The following RNPC3 variants were observed in gnomAD, a reference collection of about 807,000 sequenced individuals.
RNPC3 encodes RNA binding region (RNP1, RRM) containing 3, also known as RNA-binding region-containing protein 3.
A neutral mutation model predicts 67.5 loss-of-function variants in RNPC3; 48 were observed. That is an observed-to-expected ratio of 0.71 (90% CI 0.56 to 0.90). RNPC3 has a LOEUF of 0.90. Among genes scored for constraint, RNPC3 ranks in the 40% least tolerant of loss-of-function variants. The pLI, the probability that RNPC3 is intolerant of heterozygous loss-of-function variation, is 0.00. For missense variants in RNPC3, 637 were observed against 626.1 expected (o/e 1.02, Z -0.19); for synonymous variants, 239 against 210.3 (o/e 1.14, Z -1.18).
In RNPC3 at chr1:103,533,754, C is replaced by G; in HGVS notation, c.256C>G (p.His86Asp). 6.6e-7 allele frequency: 1 copy of G among 1,526,324 alleles called. No individual in the cohort carries two copies. The highest frequency in any genetic ancestry group is 8.8e-7 in the Non-Finnish European group (1 of 1,138,768). 94.5% of individuals were successfully genotyped at this position (1,526,324 alleles called of 1,614,324 possible). Reference protein sequence around the residue: ...KAAIKALTRLHQLKLLGHTLV... With the variant: ...KAAIKALTRLDQLKLLGHTLV... ...TTAACTGAAGGCATTGACAAGACTC[C>G]ATCAACTGAAACTTTTAGGTCATAC... Residue 86 changes from histidine to aspartate, a missense_variant, in exon 3 of 15, where the codon CAT becomes GAT. By Grantham distance (81) the His-to-Asp change is moderately conservative. Around this residue, in one of 3 missense-constraint regions of RNPC3, gnomAD observed 536 missense variants for 500.3 expected, o/e 1.07. Coordinates refer to ENST00000423855, the MANE Select transcript of RNPC3 (RefSeq NM_017619.4).
chr1:103,530,692 C>T (rs1276861128), intron 2 of RNPC3, among the ~76,000 whole-genome samples: 1 of 152,068 alleles, frequency 6.6e-6, no homozygotes, highest in Admixed American at 6.5e-5. Flanking sequence ...GCTGTTGTGA[C>T]TAGACTGAAG....
At position 103,543,282 on chromosome 1, in the gene RNPC3, T is replaced by C; in HGVS notation, c.894-14T>C. ...TTGCAATTACAAACTAATGCTATGA[T>C]TGTTTTTAAATAGCAGTTTACATCC... On this transcript the variant is annotated splice_polypyrimidine_tract_variant and intron_variant, in intron 8 of 14. Coordinates refer to ENST00000423855, the MANE Select transcript of RNPC3 (RefSeq NM_017619.4). 7.2e-7 allele frequency: 1 copy of C among 1,397,548 alleles called. No homozygotes were observed. Among genetic ancestry groups the C allele is most frequent in the Non-Finnish European group, 9.3e-7 (1 of 1,080,146 alleles). The allele number at this position is 1,397,548 out of a possible 1,614,324, so 86.6% of individuals were successfully genotyped here.
intron 2 of RNPC3, among the ~76,000 whole-genome samples, chr1:103,533,342 ACT>A (rs1439599738): frequency 2.0e-5 from 3 of 151,970 alleles, no homozygotes; most frequent in Admixed American, 6.6e-5. Context: ...AGTACAAAAT[ACT>A]CTCTGAGATA....
chr1:103,547,164 G>A (rs1651266408), intron 12 of RNPC3, 129 bp downstream of exon 12: 1 of 538,396 alleles, frequency 1.9e-6, no homozygotes, highest in South Asian at 3.2e-5. Context: ...CTATTCTGTT[G>A]CACAATTAAT....
chr1:103,551,769 A>G lies in RNPC3; in HGVS notation c.1543A>G (p.Arg515Gly). Residue 515 changes from arginine to glycine, a missense_variant, in exon 14 of 15, where the codon AGA becomes GGA. Around this residue, in one of 3 missense-constraint regions of RNPC3, gnomAD observed 96 missense variants for 105.8 expected, o/e 0.91. Transcript: ENST00000423855. ...RPKQDPKEGK[R>G]KC Reference sequence around the variant, plus strand: ...AAAACAAGATCCTAAGGAAGGAAAAAGAAAGTGTTAAAAATTAATAAAGGT... The same window carrying G: ...AAAACAAGATCCTAAGGAAGGAAAAGGAAAGTGTTAAAAATTAATAAAGGT... The G allele has an allele frequency of 6.6e-7, 1 of 1,512,432 alleles. No individual in the cohort carries two copies. 93.7% of individuals were successfully genotyped at this position (1,512,432 alleles called of 1,614,324 possible).
chr1:103,528,326 G>T (rs934005602), intron 2 of RNPC3, among the ~76,000 whole-genome samples: 3 of 152,150 alleles, frequency 2.0e-5, no homozygotes, highest in Admixed American at 6.6e-5. Context: ...ATATGATCAG[G>T]CCTGTTAAAG....
intron 12 of RNPC3, among the ~76,000 whole-genome samples, chr1:103,548,527 C>A: frequency 6.6e-6 from 1 of 152,164 alleles, no homozygotes; most frequent in East Asian, 1.9e-4. Flanking sequence ...CAGTTCCCAA[C>A]AAGTTCCACA....
chr1:103,540,303 A>G (rs1292426965), intron 7 of RNPC3, among the ~76,000 whole-genome samples: 2 of 152,180 alleles, frequency 1.3e-5, no homozygotes, highest in Admixed American at 1.3e-4. Flanking sequence ...TCGTGTTTAA[A>G]TTTGTGTCTC....
chr1:103,531,704 G>T (rs1650863332), intron 2 of RNPC3, among the ~76,000 whole-genome samples: 1 of 151,822 alleles, frequency 6.6e-6, no homozygotes, highest in Non-Finnish European at 1.5e-5. Context: ...TTGCTGATTT[G>T]TTTGGATTCC....
At chr1:103,532,035 T>C (rs1351769704) in intron 2 of RNPC3, among the ~76,000 whole-genome samples, 1 of 152,174 alleles carries the variant, frequency 6.6e-6, no homozygotes, top group African/African-American at 2.4e-5. Flanking sequence ...CCAGTTTCAT[T>C]CTTCTACATG....
At chr1:103,550,209 A>C (rs1651353353) in intron 12 of RNPC3, among the ~76,000 whole-genome samples, 1 of 151,950 alleles carries the variant, frequency 6.6e-6, no homozygotes, top group African/African-American at 2.4e-5. Context: ...GAATTCTATA[A>C]TTGCTTATAA....
chr1:103,545,767 A>G (rs1466513908), intron 10 of RNPC3: 1 of 152,588 alleles, frequency 6.6e-6, no homozygotes, highest in Non-Finnish European at 1.5e-5. Context: ...TGTTTACTTC[A>G]TTCTTGCATT....
intron 8 of RNPC3, among the ~76,000 whole-genome samples, chr1:103,542,221 A>G (rs893809129): frequency 1.3e-5 from 2 of 152,040 alleles, no homozygotes; most frequent in Non-Finnish European, 2.9e-5. Flanking sequence ...GGTCACAGCC[A>G]GTTGAGAAAT....
intron 12 of RNPC3, among the ~76,000 whole-genome samples, chr1:103,550,369 C>T (rs1651356772): frequency 6.6e-6 from 1 of 151,580 alleles, no homozygotes; most frequent in Non-Finnish European, 1.5e-5. Flanking sequence ...TGCGGTGGTC[C>T]ACGCCTGTAA....
At position 103,533,822 on chromosome 1, in the gene RNPC3, C is replaced by A. The variant is rs1650920841; in HGVS notation, c.324C>A (p.Ser108=). Residue 108 remains serine, a synonymous_variant, in exon 3 of 15, where the codon TCC becomes TCA. Coordinates refer to ENST00000423855, the MANE Select transcript of RNPC3 (RefSeq NM_017619.4). ...CAAAAGAGCAAGATCGAGTTCACTCCCCATGTCCCACTTCAGGCTCTGAAA... is the reference window on the plus strand; with the variant it reads ...CAAAAGAGCAAGATCGAGTTCACTCACCATGTCCCACTTCAGGCTCTGAAA... ...EFAKEQDRVH[S]PCPTSGSEKK... 1 of 1,530,204 alleles carries A rather than the reference C, an allele frequency of 6.5e-7. No homozygotes were observed. The highest frequency in any genetic ancestry group is 2.5e-5 in the East Asian group (1 of 40,810). 94.8% of individuals were successfully genotyped at this position (1,530,204 alleles called of 1,614,324 possible).
At chr1:103,551,285 T>G in intron 13 of RNPC3, 2 of 491,114 alleles carry the variant, frequency 4.1e-6, no homozygotes, top group Non-Finnish European at 7.2e-6. Flanking sequence ...TTGTTCAATT[T>G]CAGCCAAGTT....
intron 3 of RNPC3, 73 bp downstream of exon 3, chr1:103,533,930 T>G: frequency 1.3e-6 from 1 of 799,850 alleles, no homozygotes; most frequent in Non-Finnish European, 2.0e-6. Flanking sequence ...AGTTATACAG[T>G]TATTGTATTG....
intron 2 of RNPC3, among the ~76,000 whole-genome samples, chr1:103,529,144 CAG>C (rs1173604976): frequency 6.6e-6 from 1 of 151,922 alleles, no homozygotes; most frequent in East Asian, 1.9e-4. Context: ...AGCATATACA[CAG>C]AAAAAATATG....
At chr1:103,531,737 G>A (rs1237392009) in intron 2 of RNPC3, among the ~76,000 whole-genome samples, 1 of 151,838 alleles carries the variant, frequency 6.6e-6, no homozygotes, top group Non-Finnish European at 1.5e-5. Flanking sequence ...GACATTAGTG[G>A]TTTTTTTGGA....
Sources: allele counts gnomAD v4.1 joint callset (sites outside exome capture counted in the v4.1 genomes callset), GRCh38; gene constraint gnomAD v4.1.1; regional missense constraint gnomAD v4.1.1; transcripts MANE v1.5; gene names NCBI Gene and HGNC (gene_info 2026-07-23, HGNC 2026-07-21).